RABEP1: variants seen among roughly 807,000 people sequenced by gnomAD.
The protein encoded by RABEP1 is rabaptin, RAB GTPase binding effector protein 1.
Under a neutral mutation model 123.4 loss-of-function variants are expected in RABEP1, and 51 were observed. That is an observed-to-expected ratio of 0.41 (90% confidence interval 0.33 to 0.52). RABEP1 has a LOEUF of 0.52. Among genes scored for constraint, RABEP1 ranks in the 20% least tolerant of loss-of-function variants. The pLI, the probability that RABEP1 is intolerant of heterozygous loss-of-function variation, is 0.16. For synonymous variants in RABEP1, 347 were observed against 355.2 expected (o/e 0.98, Z 0.26); for missense variants, 888 against 996.3 (o/e 0.89, Z 1.46).
intron 13 of RABEP1, 68 bp downstream of exon 13, chr17:5,373,522 A>C: frequency 1.4e-6 from 2 of 1,474,986 alleles, no homozygotes; most frequent in Non-Finnish European, 9.1e-7. Context: ...TATGTTCTTT[A>C]TGTAAACAGT....
intron 2 of RABEP1, 49 bp downstream of exon 2, chr17:5,308,871 G>C (rs760695494): frequency 7.7e-5 from 115 of 1,494,444 alleles, no homozygotes; most frequent in Admixed American, 1.1e-4. Context: ...CTGCCTTAAA[G>C]TGTTGAGTTT....
At chr17:5,324,946 T>C (rs2144578805) in intron 2 of RABEP1, among the ~76,000 whole-genome samples, 1 of 152,326 alleles carries the variant, frequency 6.6e-6, no homozygotes, top group African/African-American at 2.4e-5. Context: ...GAGAATAGTA[T>C]GGAGGTTCCT....
chr17:5,310,299 TCC>T (rs1567873910), intron 2 of RABEP1, among the ~76,000 whole-genome samples: 6 of 126,886 alleles, frequency 4.7e-5, no homozygotes, highest in African/African-American at 1.5e-4. Context: ...GAAAGCTTCG[TCC>T]TTTTTTTTTT....
rs527710647 is a variant in RABEP1 at position 5,332,552 on chromosome 17, G to A, written c.367+400G>A. On this transcript the variant is annotated intron_variant, in intron 3 of 17. Transcript: ENST00000537505. ...TAACTGTTTACATTGATGAGCTTCA[G>A]CTAATTATTGCCCTTCCAGTGTAGT... is the stretch of plus-strand genomic sequence containing the variant. 5.9e-5 allele frequency among the ~76,000 whole-genome samples: 9 copies of A among 151,478 alleles called. No homozygotes were observed. The South Asian group carries it at 1.9e-3, about 32-fold the overall frequency.
chr17:5,360,286 G>A (rs1471124369), intron 8 of RABEP1, among the ~76,000 whole-genome samples: 1 of 152,262 alleles, frequency 6.6e-6, no homozygotes, highest in Non-Finnish European at 1.5e-5. Flanking sequence ...TCTTGGGCCG[G>A]GTGCGGTGGC....
rs745415666 is a variant in RABEP1, at chr17:5,308,838, T to G, written c.163+16T>G. 2.2e-5 allele frequency: 35 copies of G among 1,581,684 alleles called. No individual in the cohort carries two copies. The Admixed American group carries it at 6.0e-4, about 27-fold the overall frequency. On this transcript the variant is annotated intron_variant, in intron 2 of 17. Coordinates refer to ENST00000537505, the MANE Select transcript of RABEP1 (RefSeq NM_004703.6). ...GCTAAAGAGGGTAAGTTCATAAGTC[T>G]CGCACCAACTTCAATGCGAAAACTG...
chr17:5,284,656 G>T (rs915863630), intron 1 of RABEP1, among the ~76,000 whole-genome samples: 4 of 151,952 alleles, frequency 2.6e-5, no homozygotes, highest in African/African-American at 9.7e-5. Context: ...TGTAGATACG[G>T]CGTTTTGCCA....
intron 8 of RABEP1, among the ~76,000 whole-genome samples, chr17:5,357,769 C>T (rs974547556): frequency 6.6e-6 from 1 of 152,142 alleles, no homozygotes; most frequent in African/African-American, 2.4e-5. Context: ...CTCCTGGAAG[C>T]AGAGGTACAG....
chr17:5,381,920 C>T (rs1426010376), intron 17 of RABEP1, among the ~76,000 whole-genome samples: 4 of 152,118 alleles, frequency 2.6e-5, no homozygotes, highest in Non-Finnish European at 4.4e-5. Flanking sequence ...CAAGGCTCAG[C>T]GTAGGTCTGT....
intron 1 of RABEP1, chr17:5,284,186 A>G (rs1301759821): frequency 6.6e-6 from 1 of 152,200 alleles, no homozygotes; most frequent in African/African-American, 2.4e-5. Context: ...TGAAGATATG[A>G]AATGGTCTTC....
At chr17:5,328,236 TGGAA>T (rs1263559489) in intron 2 of RABEP1, among the ~76,000 whole-genome samples, 1 of 152,072 alleles carries the variant, frequency 6.6e-6, no homozygotes, top group African/African-American at 2.4e-5. Context: ...TAAAAAGAAA[TGGAA>T]GGAGATGTAG....
rs530377308 is a variant in RABEP1, at chr17:5,341,409, G to A, written c.648+3271G>A. 7.9e-5 allele frequency among the ~76,000 whole-genome samples: 12 copies of A among 152,262 alleles called. No individual in the cohort carries two copies. In the South Asian group the frequency reaches 2.5e-3, roughly 32 times the overall value. ...ATTAGCCCAAATTATTCCAAAACAG[G>A]AAAGGTAGTCAGTAATTATTAAAGA... On this transcript the variant is annotated intron_variant, in intron 5 of 17. Coordinates refer to ENST00000537505, the MANE Select transcript of RABEP1 (RefSeq NM_004703.6).
chr17:5,382,839 G>C (rs1911593781), intron 17 of RABEP1, among the ~76,000 whole-genome samples: 1 of 152,060 alleles, frequency 6.6e-6, no homozygotes, highest in South Asian at 2.1e-4. Flanking sequence ...AGAATCACTT[G>C]AACCCGGGAG....
At chr17:5,296,321 T>A (rs1260571496) in intron 1 of RABEP1, among the ~76,000 whole-genome samples, 1 of 152,170 alleles carries the variant, frequency 6.6e-6, no homozygotes, top group Non-Finnish European at 1.5e-5. Flanking sequence ...TGGAGTGCAA[T>A]GGTGCTATCT....
chr17:5,342,380 G>C (rs2144626726), intron 5 of RABEP1, among the ~76,000 whole-genome samples: 1 of 152,282 alleles, frequency 6.6e-6, no homozygotes, highest in East Asian at 1.9e-4. Context: ...GCTCACGTCT[G>C]TAATCCCAGC....
chr17:5,337,991 C>T (rs745714531), intron 4 of RABEP1, 28 bp from the exon 5 acceptor site: 56 of 1,585,436 alleles, frequency 3.5e-5, no homozygotes, highest in South Asian at 1.4e-4. Flanking sequence ...ATGAATAAGT[C>T]GTAGCATTTA....
At chr17:5,375,030 GC>G (rs1243492444) in intron 13 of RABEP1, among the ~76,000 whole-genome samples, 1 of 151,770 alleles carries the variant, frequency 6.6e-6, no homozygotes, top group Non-Finnish European at 1.5e-5. Context: ...GCCTGCTTCG[GC>G]CTCCCAAAGT....
In RABEP1 at chr17:5,385,053, C is replaced by G. The variant is rs1001715807; in HGVS notation, c.*1830C>G. The stretch of plus-strand genomic sequence containing the variant: ...CTGAGCACCTTACAGATATTTTTCT[C>G]CAGAAGATGGTGCTGGGTAATAAAA... On this transcript the variant is annotated 3_prime_UTR_variant, in exon 18 of 18. Transcript: ENST00000537505. 3 of 228,670 alleles carry G rather than the reference C, an allele frequency of 1.3e-5. No individual in the cohort carries two copies. Among genetic ancestry groups the G allele is most frequent in the Admixed American group, 5.7e-5 (1 of 17,626 alleles). 14.2% of individuals were successfully genotyped at this position (228,670 alleles called of 1,614,324 possible).
At chr17:5,342,490 T>A (rs895850603) in intron 5 of RABEP1, among the ~76,000 whole-genome samples, 28 of 151,898 alleles carry the variant, frequency 1.8e-4, no homozygotes, top group African/African-American at 6.5e-4. Flanking sequence ...GTACAAAAAT[T>A]AGTCGAGCAT....
Sources: gnomAD v4.1 joint callset for allele counts (sites outside exome capture counted in the v4.1 genomes callset) on GRCh38, gnomAD v4.1.1 for gene constraint, MANE v1.5 for transcripts, NCBI Gene and HGNC (gene_info 2026-07-23, HGNC 2026-07-21) for gene names.